SYF2: variants seen among roughly 807,000 people sequenced by gnomAD.
SYF2 encodes the protein SYF2 pre-mRNA splicing factor, also known as pre-mRNA-splicing factor SYF2.
A neutral mutation model predicts 32.7 loss-of-function variants in SYF2; 21 were observed. The observed-to-expected ratio is 0.64, with a 90% CI of 0.45 to 0.92. SYF2 has a LOEUF of 0.92. SYF2 is among the 40% of genes least tolerant of loss of function. The pLI is 0.00. For missense variants in SYF2, 278 were observed against 296.5 expected (o/e 0.94, Z 0.46); for synonymous variants, 114 against 103.9 (o/e 1.10, Z -0.59).
chr1:25,224,158 C>T (rs1313458776), intron 6 of SYF2, among the ~76,000 whole-genome samples: 2 of 151,744 alleles, frequency 1.3e-5, no homozygotes, highest in South Asian at 2.1e-4. Context: ...CGTGACACTG[C>T]GCTCCAGCCT....
intron 2 of SYF2, chr1:25,230,871 G>C (rs1220709542): frequency 1.3e-5 from 2 of 150,814 alleles, no homozygotes; most frequent in Non-Finnish European, 2.9e-5. Flanking sequence ...GCCCAGGCTG[G>C]AGTGCAGTGG....
chr1:25,232,058 G>A (rs776540031), intron 2 of SYF2, 46 bp downstream of exon 2: 3 of 1,583,834 alleles, frequency 1.9e-6, no homozygotes, highest in Non-Finnish European at 2.6e-6. Context: ...AAAGCGCACA[G>A]GCTTGGCCAG....
chr1:25,229,011 TCTTC>T lies in SYF2; in HGVS notation c.241_244del (p.Glu81ArgfsTer17). On this transcript the variant is annotated frameshift_variant, in exon 3 of 7. Coordinates refer to ENST00000236273, the MANE Select transcript of SYF2 (RefSeq NM_015484.5). LOFTEE classifies it high-confidence loss of function. ...ATAGTTCCTAACCTTTTTCTTTTCC[TCTTC>T]CTTTAGTTCCCACTCCAAACGAGCT... 1 of 1,612,624 alleles carries T rather than the reference TCTTC, an allele frequency of 6.2e-7. No individual in the cohort carries two copies. Among genetic ancestry groups the T allele is most frequent in the Non-Finnish European group, 8.5e-7 (1 of 1,179,678 alleles).
chr1:25,228,862 T>C lies in SYF2; in HGVS notation c.258+136A>G, dbSNP rs560547621. 1.7e-4 allele frequency: 162 copies of C among 947,766 alleles called. No individual in the cohort carries two copies. In the African/African-American group the frequency reaches 2.5e-3, roughly 14 times the overall value. 58.7% of individuals were successfully genotyped at this position (947,766 alleles called of 1,614,324 possible). A position where few individuals can be genotyped will look rare whatever the true frequency, so the allele number is the denominator to read the frequency against. ...AATAAACTCACCCAACGTGTTGCAG[T>C]TGGTACTGAGCAGAGCCAGAATTTC... On this transcript the variant is annotated intron_variant, in intron 3 of 6. Coordinates refer to ENST00000236273, the MANE Select transcript of SYF2 (RefSeq NM_015484.5).
At chr1:25,232,422 G>A (rs764420943) in intron 1 of SYF2, 22 bp downstream of exon 1, 1 of 1,614,166 alleles carries the variant, frequency 6.2e-7, no homozygotes, top group Non-Finnish European at 8.5e-7. Flanking sequence ...AAAACCCCCG[G>A]TGTACGGTGG....
Position 25,229,017 on chromosome 1 carries a change from T to C in SYF2, c.239A>G (p.Lys80Arg), listed in dbSNP as rs1638573550. ...CCTAACCTTTTTCTTTTCCTCTTCC[T>C]TTAGTTCCCACTCCAAACGAGCTTT... ...AKKARLEWEL[K>R]EEEKKKECAA... is the part of the protein sequence containing the mutation. Residue 80 changes from lysine (K) to arginine (R), a missense_variant, in exon 3 of 7, where the codon AAG (lysine) becomes AGG (arginine). Physicochemically the swap from Lys to Arg is conservative, Grantham distance 26. Coordinates refer to ENST00000236273, the MANE Select transcript of SYF2 (RefSeq NM_015484.5). The C allele has an allele frequency of 6.2e-7, 1 of 1,613,528 alleles. No individual in the cohort carries two copies. The highest frequency in any genetic ancestry group is 8.5e-7 in the Non-Finnish European group (1 of 1,179,896).
intron 6 of SYF2, among the ~76,000 whole-genome samples, chr1:25,224,724 A>G (rs368619413): frequency 3.3e-5 from 5 of 152,320 alleles, no homozygotes; most frequent in African/African-American, 1.2e-4. Flanking sequence ...GGTTAAAGTA[A>G]AATCCTTAAA....
chr1:25,232,064 G>A, intron 2 of SYF2, 40 bp downstream of exon 2: 1 of 1,591,318 alleles, frequency 6.3e-7, no homozygotes, highest in Non-Finnish European at 8.6e-7. Context: ...CACAGGCTTG[G>A]CCAGATGACG....
rs34639798 is a variant in SYF2 at position 25,228,172 on chromosome 1, C to T, written c.322G>A (p.Ala108Thr). 2.7e-3 allele frequency: 4,380 copies of T among 1,613,882 alleles called. 63 individuals carry two copies. In the African/African-American group the frequency reaches 0.037, roughly 14 times the overall value. Reference sequence around the variant, plus strand: ...TTCTTTTTCCTCTCCCATCTTTCTGCATCTTCTGCACTGATCTCCAGCAAC... The same window carrying T: ...TTCTTTTTCCTCTCCCATCTTTCTGTATCTTCTGCACTGATCTCCAGCAAC... ...VKLLEISAED[A>T]ERWERKKKRK... The change falls in exon 4 of 7, where the codon GCA (alanine) becomes ACA (threonine). Residue 108 changes from alanine (A) to threonine (T), a missense_variant. By Grantham distance (58) the Ala-to-Thr change is moderately conservative. Coordinates refer to ENST00000236273, the MANE Select transcript of SYF2 (RefSeq NM_015484.5).
In SYF2 at chr1:25,226,127, G is replaced by T. The variant is rs150241381; in HGVS notation, c.468-1027C>A. On this transcript the variant is annotated intron_variant, in intron 5 of 6. Coordinates refer to ENST00000236273, the MANE Select transcript of SYF2 (RefSeq NM_015484.5). ...TGCACCACTGCACTCCAGCCTGGGC[G>T]ACAGAGCGAGATTCTATCTCAAAAA... Among the ~76,000 whole-genome samples, 265 of 151,614 alleles carry T rather than the reference G, an allele frequency of 1.7e-3. 1 individual carries two copies. Among genetic ancestry groups the T allele is most frequent in the Middle Eastern group, 0.01 (3 of 294 alleles).
At chr1:25,223,737 T>A (rs1638451695) in intron 6 of SYF2, among the ~76,000 whole-genome samples, 1 of 152,172 alleles carries the variant, frequency 6.6e-6, no homozygotes, top group African/African-American at 2.4e-5. Flanking sequence ...ATCCCATGCC[T>A]GTAATCCCAC....
At chr1:25,229,774 C>CAA (rs1396260741) in intron 2 of SYF2, among the ~76,000 whole-genome samples, 5 of 87,526 alleles carry the variant, frequency 5.7e-5, no homozygotes, top group South Asian at 3.7e-4. Context: ...GACTCCATCT[C>CAA]AAAAAAAAAA....
rs187302423 is a variant in SYF2, at chr1:25,229,634, G to A, written c.133-511C>T. 7.5e-4 allele frequency among the ~76,000 whole-genome samples: 114 copies of A among 152,190 alleles called. 1 individual carries two copies. Among genetic ancestry groups the A allele is most frequent in the African/African-American group, 2.6e-3 (110 of 41,546 alleles). On this transcript the variant is annotated intron_variant, in intron 2 of 6. Coordinates refer to ENST00000236273, the MANE Select transcript of SYF2 (RefSeq NM_015484.5). ...TACTAAAAATACAAAAATTAGCGAGGCATGGTGGTGCACACCTGTAATCCT... is the reference window on the plus strand; with the variant it reads ...TACTAAAAATACAAAAATTAGCGAGACATGGTGGTGCACACCTGTAATCCT...
intron 2 of SYF2, among the ~76,000 whole-genome samples, chr1:25,229,812 GA>G (rs1339885743): frequency 6.7e-6 from 1 of 150,198 alleles, no homozygotes; most frequent in African/African-American, 2.4e-5. Context: ...TGATGTGAAA[GA>G]CACTCTTTCT....
At chr1:25,226,158 T>TAAAAATAAAAATA (rs1557469551) in intron 5 of SYF2, among the ~76,000 whole-genome samples, 1 of 150,296 alleles carries the variant, frequency 6.7e-6, no homozygotes. Flanking sequence ...AAAAAAAAAA[T>TAAAAATAAAAATA]AAAAATAAAA....
intron 6 of SYF2, 69 bp from the exon 7 acceptor site, chr1:25,223,500 A>T: frequency 6.8e-7 from 1 of 1,472,570 alleles, no homozygotes; most frequent in Non-Finnish European, 9.3e-7. Flanking sequence ...AACACAACCA[A>T]ACAGGAATAT....
At position 25,228,104 on chromosome 1, in the gene SYF2, A is replaced by G; in HGVS notation, c.376+14T>C. 6.3e-7 allele frequency: 1 copy of G among 1,595,744 alleles called. No homozygotes were observed. Among genetic ancestry groups the G allele is most frequent in the Non-Finnish European group, 8.6e-7 (1 of 1,163,732 alleles). On this transcript the variant is annotated intron_variant, in intron 4 of 6. Transcript: ENST00000236273. The stretch of plus-strand genomic sequence containing the variant: ...ACAGCCCAGTCAATAAGGTTCAATA[A>G]AGGTCAATCTGACCTGAAAATCCCA...
At chr1:25,223,920 G>A (rs761003441) in intron 6 of SYF2, among the ~76,000 whole-genome samples, 4 of 152,098 alleles carry the variant, frequency 2.6e-5, no homozygotes, top group Non-Finnish European at 4.4e-5. Context: ...TAGGCCAGGC[G>A]CAGTGGCTCA....
chr1:25,229,206 G>A (rs553725303), intron 2 of SYF2, 83 bp from the exon 3 acceptor site: 154 of 1,503,914 alleles, frequency 1.0e-4, no homozygotes, highest in Non-Finnish European at 1.3e-4. Context: ...GGAGGGTCAG[G>A]CAGGACATAT....
Sources: allele counts gnomAD v4.1 joint callset (sites outside exome capture counted in the v4.1 genomes callset), GRCh38; gene constraint gnomAD v4.1.1; transcripts MANE v1.5; gene names NCBI Gene and HGNC (gene_info 2026-07-23, HGNC 2026-07-21).